Variants in WWOX observed in about 807,000 individuals in gnomAD.
The protein encoded by WWOX is WW domain containing oxidoreductase, also known as WW domain-containing oxidoreductase.
Under a neutral mutation model 46.2 loss-of-function variants are expected in WWOX, and 69 were observed. The ratio of observed to expected loss-of-function variants is 1.49; its 90% CI spans 1.23 to 1.82. WWOX has a LOEUF of 1.82. Ranked by LOEUF, WWOX falls within the 40% of genes most tolerant of loss-of-function variation. WWOX has a pLI of 0.00. For missense variants in WWOX, 919 were observed against 542.6 expected (o/e 1.69, Z -6.89); for synonymous variants, 359 against 202.6 (o/e 1.77, Z -6.56).
At chr16:78,175,814 G>C (rs777336216) in intron 5 of WWOX, among the ~76,000 whole-genome samples, 1 of 152,208 alleles carries the variant, frequency 6.6e-6, no homozygotes, top group Non-Finnish European at 1.5e-5. Context: ...TGTAGCGGTA[G>C]ATAACTATCA....
intron 8 of WWOX, among the ~76,000 whole-genome samples, chr16:79,067,879 C>A (rs2048471813): frequency 6.6e-6 from 1 of 152,164 alleles, no homozygotes; most frequent in Non-Finnish European, 1.5e-5. Flanking sequence ...CTGGAACCTT[C>A]CAAAGAGGCT....
intron 8 of WWOX, among the ~76,000 whole-genome samples, chr16:79,125,530 C>T (rs993878159): frequency 6.6e-6 from 1 of 152,300 alleles, no homozygotes; most frequent in South Asian, 2.1e-4. Flanking sequence ...CATTTCAACT[C>T]CTACATCCAA....
chr16:78,345,869 G>C (rs934479325), intron 5 of WWOX, among the ~76,000 whole-genome samples: 1 of 118,008 alleles, frequency 8.5e-6, no homozygotes, highest in African/African-American at 2.9e-5. Context: ...ACTTTGTTGC[G>C]GTCTAATTTA....
intron 8 of WWOX, among the ~76,000 whole-genome samples, chr16:78,620,309 C>G (rs965790306): frequency 1.3e-5 from 2 of 152,192 alleles, no homozygotes; most frequent in Admixed American, 6.5e-5. Flanking sequence ...TAAGAACCTG[C>G]TGAATGTCTG....
chr16:78,775,353 G>A (rs768303175), intron 8 of WWOX, among the ~76,000 whole-genome samples: 17 of 152,216 alleles, frequency 1.1e-4, no homozygotes, highest in African/African-American at 2.2e-4. Flanking sequence ...CCACCCCCAC[G>A]AACATGTAGT....
intron 8 of WWOX, among the ~76,000 whole-genome samples, chr16:78,757,989 A>T (rs1470218913): frequency 6.6e-6 from 1 of 152,144 alleles, no homozygotes; most frequent in Non-Finnish European, 1.5e-5. Context: ...ACCTTCTATC[A>T]GATCAGCCAG....
In WWOX at chr16:78,557,106, G is replaced by T. The variant is rs1452306044; in HGVS notation, c.1056+124354G>T. Among the ~76,000 whole-genome samples, 9 of 152,326 alleles carry T rather than the reference G, an allele frequency of 5.9e-5. No individual in the cohort carries two copies. In the South Asian group the frequency reaches 8.3e-4, roughly 14 times the overall value. ...AGCAGAGATGAAAATGTGGAAGGAT[G>T]ATTGTGAGAAGTCCACATTGCTCCA... On this transcript the variant is annotated intron_variant, in intron 8 of 8. Coordinates refer to ENST00000566780, the MANE Select transcript of WWOX (RefSeq NM_016373.4).
At chr16:78,821,208 C>A (rs766451520) in intron 8 of WWOX, among the ~76,000 whole-genome samples, 2 of 152,136 alleles carry the variant, frequency 1.3e-5, no homozygotes, top group Non-Finnish European at 2.9e-5. Context: ...CACCCATCTA[C>A]TTATCCCTGC....
At chr16:78,541,857 C>T (rs545585937) in intron 8 of WWOX, among the ~76,000 whole-genome samples, 3 of 151,892 alleles carry the variant, frequency 2.0e-5, no homozygotes, top group African/African-American at 7.2e-5. Context: ...ATTTTTGTCT[C>T]CTGTTGTGAA....
At chr16:79,060,163 A>G (rs2150546773) in intron 8 of WWOX, among the ~76,000 whole-genome samples, 1 of 152,282 alleles carries the variant, frequency 6.6e-6, no homozygotes, top group East Asian at 1.9e-4. Context: ...GGGGGTGGGG[A>G]GGAGAACATA....
intron 6 of WWOX, among the ~76,000 whole-genome samples, chr16:78,393,691 T>A (rs2082225690): frequency 6.6e-6 from 1 of 152,224 alleles, no homozygotes; most frequent in Admixed American, 6.5e-5. Flanking sequence ...GAAATTCATA[T>A]TAAAATAATT....
At chr16:79,026,727 C>G (rs1030420361) in intron 8 of WWOX, among the ~76,000 whole-genome samples, 4 of 145,282 alleles carry the variant, frequency 2.8e-5, no homozygotes, top group Non-Finnish European at 4.5e-5. Flanking sequence ...ACACCATTTT[C>G]CTGCCTCAGC....
At chr16:78,870,148 G>T (rs7200349) in intron 8 of WWOX, among the ~76,000 whole-genome samples, 5 of 152,124 alleles carry the variant, frequency 3.3e-5, no homozygotes, top group South Asian at 2.1e-4. Context: ...AAACAGGAAG[G>T]GGGAAATTGC....
At chr16:78,930,217 ACCTT>A (rs2045588620) in intron 8 of WWOX, among the ~76,000 whole-genome samples, 1 of 79,928 alleles carries the variant, frequency 1.3e-5, no homozygotes, top group Admixed American at 1.1e-4. Context: ...TTATTTCAGG[ACCTT>A]TCTTCCTTCC....
At chr16:78,374,770 T>C (rs1185723111) in intron 5 of WWOX, among the ~76,000 whole-genome samples, 1 of 152,046 alleles carries the variant, frequency 6.6e-6, no homozygotes, top group Non-Finnish European at 1.5e-5. Context: ...CAGGATGGTC[T>C]TGATCTCCTG....
At chr16:79,132,209 T>C (rs151226711) in intron 8 of WWOX, among the ~76,000 whole-genome samples, 1 of 151,878 alleles carries the variant, frequency 6.6e-6, no homozygotes, top group Non-Finnish European at 1.5e-5. Context: ...AAAGCAATCA[T>C]ATTTAAATCA....
intron 8 of WWOX, among the ~76,000 whole-genome samples, chr16:79,191,071 G>C (rs1199264529): frequency 6.6e-6 from 1 of 152,024 alleles, no homozygotes; most frequent in Non-Finnish European, 1.5e-5. Context: ...TAAGAGACGG[G>C]GTCTCGCTCT....
At chr16:78,641,761 C>T (rs1334122002) in intron 8 of WWOX, among the ~76,000 whole-genome samples, 3 of 152,142 alleles carry the variant, frequency 2.0e-5, no homozygotes, top group Non-Finnish European at 4.4e-5. Flanking sequence ...AGACTAATTA[C>T]CTGACAGAGC....
intron 8 of WWOX, among the ~76,000 whole-genome samples, chr16:78,520,906 G>A (rs17777397): frequency 0.066 from 10,073 of 152,190 alleles, 441 homozygotes; most frequent in South Asian, 0.21. Context: ...GTGTTAACAA[G>A]CAAAAGAAGA....
Sources: gnomAD v4.1 joint callset for allele counts (sites outside exome capture counted in the v4.1 genomes callset) on GRCh38, gnomAD v4.1.1 for gene constraint, MANE v1.5 for transcripts, NCBI Gene and HGNC (gene_info 2026-07-23, HGNC 2026-07-21) for gene names.